The following PRR5L variants were observed in gnomAD, a reference collection of about 807,000 sequenced individuals.
PRR5L encodes proline-rich protein 5-like.
Under a neutral mutation model 36.4 loss-of-function variants are expected in PRR5L, and 21 were observed. That is an observed-to-expected ratio of 0.58 (90% CI 0.41 to 0.83). The LOEUF is 0.83. Ranked by LOEUF, PRR5L falls within the 40% of genes least tolerant of loss-of-function variation. The probability of loss-of-function intolerance (pLI) is 0.00; values close to 1 mark genes in which losing one functional copy is unlikely to be tolerated. For missense variants in PRR5L, 381 were observed against 473.3 expected, an observed-to-expected ratio of 0.80 and a Z score of 1.81; for synonymous variants, 188 against 197.0, an observed-to-expected ratio of 0.95 and a Z score of 0.38.
At chr11:36,315,207 T>C (rs1856543571) in intron 1 of PRR5L, among the ~76,000 whole-genome samples, 1 of 152,200 alleles carries the variant, frequency 6.6e-6, no homozygotes, top group African/African-American at 2.4e-5. Flanking sequence ...ATCATACTTA[T>C]TTATGACTGT....
At chr11:36,327,663 T>C (rs1856678415) in intron 1 of PRR5L, among the ~76,000 whole-genome samples, 1 of 152,216 alleles carries the variant, frequency 6.6e-6, no homozygotes, top group Admixed American at 6.5e-5. Context: ...ATCTATTTCC[T>C]CTAAGCATAG....
chr11:36,309,650 T>TGGTGGTGGTGGTATTGGG (rs1856475991), intron 1 of PRR5L, among the ~76,000 whole-genome samples: 3 of 148,854 alleles, frequency 2.0e-5, no homozygotes, highest in Non-Finnish European at 3.0e-5. Flanking sequence ...GTAGTGGGGA[T>TGGTGGTGGTGGTATTGGG]GATGATGGTG....
chr11:36,376,372 G>T, intron 1 of PRR5L: 1 of 1,157,034 alleles, frequency 8.6e-7, no homozygotes, highest in Non-Finnish European at 1.1e-6. Flanking sequence ...AGGAGGAGGA[G>T]GAGGCGGCCG....
rs150643262 is a variant in PRR5L, at chr11:36,462,363, G to T, written c.734G>T (p.Arg245Leu). 26 of 1,511,712 alleles carry T rather than the reference G, an allele frequency of 1.7e-5. No individual in the cohort carries two copies. The highest frequency in any genetic ancestry group is 1.3e-4 in the Admixed American group (6 of 45,612). The allele number at this position is 1,511,712 out of a possible 1,614,324, so 93.6% of individuals were successfully genotyped here. A position where few individuals can be genotyped will look rare whatever the true frequency, so the allele number is the denominator to read the frequency against. The part of the protein sequence containing the change: ...YTLARRHSRV[R>L]PKVTVLNYAS... ...GCAGCCAGGCGGCACTCCAGGGTCC[G>T]GCCCAAGGTGACTGTCCTGAACTAT... Residue 245 changes from arginine (R) to leucine (L), a missense_variant, in exon 9 of 9, where the codon CGG (arginine) becomes CTG (leucine). Coordinates refer to ENST00000530639, the MANE Select transcript of PRR5L (RefSeq NM_001160167.2).
intron 4 of PRR5L, chr11:36,425,734 T>C (rs1448750710): frequency 6.6e-6 from 1 of 152,142 alleles, no homozygotes; most frequent in Non-Finnish European, 1.5e-5. Flanking sequence ...TGTAAGACTT[T>C]GTTGTTTATC....
chr11:36,422,627 CA>C (rs1416612066), intron 4 of PRR5L, among the ~76,000 whole-genome samples: 2 of 152,276 alleles, frequency 1.3e-5, no homozygotes, highest in East Asian at 3.9e-4. Flanking sequence ...TGAGTCTTAA[CA>C]CAGAATGTCC....
intron 1 of PRR5L, among the ~76,000 whole-genome samples, chr11:36,384,287 A>G (rs1857420266): frequency 6.6e-6 from 1 of 152,230 alleles, no homozygotes; most frequent in Non-Finnish European, 1.5e-5. Context: ...TCGTAACTCC[A>G]GAATGTGAGT....
chr11:36,302,388 A>G (rs1032506017), intron 1 of PRR5L, among the ~76,000 whole-genome samples: 1 of 152,158 alleles, frequency 6.6e-6, no homozygotes, highest in Admixed American at 6.5e-5. Flanking sequence ...TGTGAAGCAG[A>G]GTCACCAAGA....
intron 8 of PRR5L, among the ~76,000 whole-genome samples, chr11:36,452,961 A>G (rs1344957831): frequency 1.3e-5 from 2 of 152,234 alleles, no homozygotes; most frequent in African/African-American, 4.8e-5. Context: ...TCCAGCTTAT[A>G]TAGCATCTTC....
intron 6 of PRR5L, among the ~76,000 whole-genome samples, chr11:36,439,170 C>T (rs1162246816): frequency 6.6e-6 from 1 of 152,096 alleles, no homozygotes. Flanking sequence ...GCAAACTGAA[C>T]CAGACCCAGG....
At chr11:36,407,773 A>G (rs1857940662) in intron 3 of PRR5L, among the ~76,000 whole-genome samples, 1 of 152,212 alleles carries the variant, frequency 6.6e-6, no homozygotes, top group Non-Finnish European at 1.5e-5. Flanking sequence ...ATGACTAGGA[A>G]GGTAGATGTT....
rs538379225 is a variant in PRR5L at position 36,360,548 on chromosome 11, A to C, written c.-125-40449A>C. 1.5e-4 allele frequency among the ~76,000 whole-genome samples: 23 copies of C among 152,282 alleles called. No individual in the cohort carries two copies. In the East Asian group the frequency reaches 4.5e-3, roughly 30 times the overall value. On this transcript the variant is annotated intron_variant, in intron 1 of 8. Transcript: ENST00000530639. Reference sequence around the variant, plus strand: ...ATTTGGAACACAAAGGGGTATGTGCACATGTAACATCGCACATGTAACACA... The same window carrying C: ...ATTTGGAACACAAAGGGGTATGTGCCCATGTAACATCGCACATGTAACACA...
intron 3 of PRR5L, among the ~76,000 whole-genome samples, chr11:36,413,977 C>A (rs988206087): frequency 2.5e-4 from 37 of 148,616 alleles, no homozygotes; most frequent in African/African-American, 8.3e-4. Flanking sequence ...GTTTTTTGTC[C>A]TTGTGATAGT....
chr11:36,440,660 C>G (rs1004762684), intron 6 of PRR5L, among the ~76,000 whole-genome samples: 1 of 152,072 alleles, frequency 6.6e-6, no homozygotes, highest in African/African-American at 2.4e-5. Flanking sequence ...CTGTGTTAGT[C>G]TGTTTGTGTT....
chr11:36,369,914 T>C (rs189895672), intron 1 of PRR5L, among the ~76,000 whole-genome samples: 39 of 152,306 alleles, frequency 2.6e-4, no homozygotes, highest in Admixed American at 5.2e-4. Flanking sequence ...CAGTATTTAT[T>C]TGGAATGTTT....
At chr11:36,460,616 C>G (rs1362723631) in intron 8 of PRR5L, among the ~76,000 whole-genome samples, 1 of 152,228 alleles carries the variant, frequency 6.6e-6, no homozygotes, top group African/African-American at 2.4e-5. Context: ...CATGCGATCC[C>G]TATTTATTAT....
intron 1 of PRR5L, among the ~76,000 whole-genome samples, chr11:36,341,914 C>T (rs898275824): frequency 5.9e-5 from 9 of 152,074 alleles, no homozygotes; most frequent in African/African-American, 2.2e-4. Flanking sequence ...ACAGGAGAAA[C>T]GAAGAGACAA....
intron 1 of PRR5L, among the ~76,000 whole-genome samples, chr11:36,304,437 C>G (rs563288114): frequency 1.3e-5 from 2 of 152,300 alleles, no homozygotes; most frequent in South Asian, 4.1e-4. Flanking sequence ...GGTGAGGAGC[C>G]TTCCAATCCA....
chr11:36,333,624 G>C (rs1856740785), intron 1 of PRR5L, among the ~76,000 whole-genome samples: 1 of 152,196 alleles, frequency 6.6e-6, no homozygotes, highest in Non-Finnish European at 1.5e-5. Context: ...GCTAGACACA[G>C]AAGAGTGTGT....
Sources: gnomAD v4.1 joint callset for allele counts (sites outside exome capture counted in the v4.1 genomes callset) on GRCh38, gnomAD v4.1.1 for gene constraint, MANE v1.5 for transcripts, NCBI Gene and HGNC (gene_info 2026-07-23, HGNC 2026-07-21) for gene names.